The following NLRC4 variants were observed in gnomAD, a reference collection of about 807,000 sequenced individuals.
NLRC4 encodes NLR family CARD domain containing 4.
Under a neutral mutation model 79.9 loss-of-function variants are expected in NLRC4, and 63 were observed. That is an observed-to-expected ratio of 0.79 (90% CI 0.64 to 0.97). The LOEUF (loss-of-function observed/expected upper bound fraction) is 0.97. NLRC4 is among the 50% of genes least tolerant of loss of function. The pLI is 0.00. For missense variants in NLRC4, 1,074 were observed against 1,215.2 expected, an observed-to-expected ratio of 0.88 and a Z score of 1.73; for synonymous variants, 461 against 456.5, an observed-to-expected ratio of 1.01 and a Z score of -0.12.
At position 32,250,793 on chromosome 2, in the gene NLRC4, G is replaced by A; in HGVS notation, c.1071C>T (p.His357=). 1 of 1,614,202 alleles carries A rather than the reference G, an allele frequency of 6.2e-7. No homozygotes were observed. The highest frequency in any genetic ancestry group is 8.5e-7 in the Non-Finnish European group (1 of 1,180,012). ...IQMGESEFHS[H]TQTTLFHTFY... ...AGGTATGGAACAGCGTTGTTTGTGT[G>A]TGAGAGTGGAACTCACTTTCACCCA... Residue 357 remains histidine, a synonymous_variant, in exon 4 of 9, where the codon CAC becomes CAT. Coordinates refer to ENST00000402280, the MANE Select transcript of NLRC4 (RefSeq NM_001199138.2). The surrounding 1 kb of genome is among the most constrained non-coding windows in gnomAD (Gnocchi z 4.9).
At chr2:32,252,972 A>G (rs1435820376) in intron 2 of NLRC4, among the ~76,000 whole-genome samples, 1 of 151,818 alleles carries the variant, frequency 6.6e-6, no homozygotes, top group African/African-American at 2.4e-5. Context: ...GAGCTGAGAT[A>G]GCGCCACTGC....
intron 4 of NLRC4, among the ~76,000 whole-genome samples, 181 bp downstream of exon 4, chr2:32,249,426 C>T (rs1687011041): frequency 6.6e-6 from 1 of 152,176 alleles, no homozygotes; most frequent in Admixed American, 6.5e-5. Context: ...CTACCCCAAC[C>T]CCTCCTTCGA....
chr2:32,226,717 G>A (rs1242026749), intron 8 of NLRC4, among the ~76,000 whole-genome samples: 1 of 152,106 alleles, frequency 6.6e-6, no homozygotes, highest in South Asian at 2.1e-4. Context: ...CCCGTCTCTA[G>A]TAAAAATACA....
At chr2:32,261,329 T>TTTTTTTTTTTTTTTTTTTTTTTTTTTTC (rs1230263597) in intron 1 of NLRC4, among the ~76,000 whole-genome samples, 1 of 119,206 alleles carries the variant, frequency 8.4e-6, no homozygotes, top group African/African-American at 3.2e-5. Context: ...TTGTTTTTTT[T>TTTTTTTTTTTTTTTTTTTTTTTTTTTTC]TGAGATGGAG....
intron 1 of NLRC4, among the ~76,000 whole-genome samples, chr2:32,261,180 G>A (rs538291220): frequency 1.5e-3 from 232 of 150,230 alleles, no homozygotes; most frequent in Non-Finnish European, 2.4e-3. Context: ...GCGACAGAGC[G>A]AGACTCCATC....
chr2:32,224,862 T>C, intron 8 of NLRC4, 97 bp from the exon 9 acceptor site: 1 of 710,758 alleles, frequency 1.4e-6, no homozygotes, highest in Non-Finnish European at 2.3e-6. Context: ...TTTTTTTCAC[T>C]CTGAAATGGC....
rs150950016 is a variant in NLRC4 at position 32,250,065 on chromosome 2, T to C, written c.1799A>G (p.Glu600Gly). Residue 600 changes from glutamate to glycine, a missense_variant, in exon 4 of 9, where the codon GAA (glutamate) becomes GGA (glycine). By Grantham distance (98) the Glu-to-Gly change is moderately conservative (BLOSUM62 -2). Transcript: ENST00000402280. The surrounding 1 kb of genome is among the most constrained non-coding windows in gnomAD (Gnocchi z 4.9). ...NIPDYLFDFF[E>G]HLPNCASALD... is the part of the protein sequence containing the mutation. ...GGCACTTGCACAATTGGGCAAATGT[T>C]CAAAGAAGTCAAATAAGTAATCGGG... is the stretch of plus-strand genomic sequence containing the variant. 1.1e-4 allele frequency: 180 copies of C among 1,614,092 alleles called. No individual in the cohort carries two copies. Among genetic ancestry groups the C allele is most frequent in the Non-Finnish European group, 1.4e-4 (162 of 1,180,034 alleles).
chr2:32,233,349 A>ATATATATATTT (rs1418146489), intron 8 of NLRC4, among the ~76,000 whole-genome samples: 16 of 41,090 alleles, frequency 3.9e-4, no homozygotes, highest in Non-Finnish European at 4.8e-4. Context: ...ATATATATAT[A>ATATATATATTT]TTTTTTTTTT....
chr2:32,245,357 T>G, intron 4 of NLRC4, among the ~76,000 whole-genome samples: 1 of 143,190 alleles, frequency 7.0e-6, no homozygotes. Context: ...GTCATTATGG[T>G]AAGTGAAATA....
rs1395174732 is a variant in NLRC4 at position 32,260,750 on chromosome 2, G to T, written c.-118-3857C>A. Among the ~76,000 whole-genome samples the T allele has an allele frequency of 3.0e-4, 45 of 152,266 alleles. 2 individuals are homozygous for T. The highest frequency in any genetic ancestry group is 1.5e-5 in the Non-Finnish European group (1 of 68,020). ...GTACAGTAGGAACAGACAACATAGTGCCGGCCAGATAGAGACCCCATCTGC... is the reference window on the plus strand; with the variant it reads ...GTACAGTAGGAACAGACAACATAGTTCCGGCCAGATAGAGACCCCATCTGC... On this transcript the variant is annotated intron_variant, in intron 1 of 8. Coordinates refer to ENST00000402280, the MANE Select transcript of NLRC4 (RefSeq NM_001199138.2).
Position 32,235,448 on chromosome 2 carries a change from A to G in NLRC4, c.2735T>C (p.Leu912Pro). 1 of 1,614,160 alleles carries G rather than the reference A, an allele frequency of 6.2e-7. No individual in the cohort carries two copies. The highest frequency in any genetic ancestry group is 8.5e-7 in the Non-Finnish European group (1 of 1,179,978). ...TGTGAGTCTCCAGTTTTTCAACCCA[A>G]GCTTGACGAGTTGTGGGACCTCCTC... The part of the protein sequence containing the change: ...HLEEVPQLVK[L>P]GLKNWRLTDT... Residue 912 changes from leucine (L) to proline (P), a missense_variant, in exon 8 of 9, where the codon CTT (leucine) becomes CCT (proline). Transcript: ENST00000402280.
intron 1 of NLRC4, among the ~76,000 whole-genome samples, chr2:32,264,088 T>C (rs1687412167): frequency 6.6e-6 from 1 of 152,174 alleles, no homozygotes; most frequent in African/African-American, 2.4e-5. Context: ...GTAGTCCACC[T>C]CGTTCCTTTC....
chr2:32,228,266 C>A (rs941949250), intron 8 of NLRC4, among the ~76,000 whole-genome samples: 1 of 152,124 alleles, frequency 6.6e-6, no homozygotes, highest in Non-Finnish European at 1.5e-5. Flanking sequence ...AGAACACTTG[C>A]AATTGGGCTT....
At chr2:32,229,519 G>A (rs1264010233) in intron 8 of NLRC4, among the ~76,000 whole-genome samples, 1 of 152,162 alleles carries the variant, frequency 6.6e-6, no homozygotes, top group Non-Finnish European at 1.5e-5. Context: ...AGCTAGCAAT[G>A]ATTTTTATGT....
intron 8 of NLRC4, among the ~76,000 whole-genome samples, chr2:32,229,597 G>A (rs1284139623): frequency 1.3e-5 from 2 of 152,200 alleles, no homozygotes; most frequent in African/African-American, 4.8e-5. Context: ...GGCAAAGCTT[G>A]GAGATCAAAT....
intron 4 of NLRC4, among the ~76,000 whole-genome samples, chr2:32,245,251 C>G (rs569475445): frequency 7.4e-6 from 1 of 134,324 alleles, no homozygotes; most frequent in East Asian, 2.3e-4. Context: ...GCAGAGGTTG[C>G]AGTAAGCCGA....
At chr2:32,256,693 A>ATT (rs1687213986) in intron 2 of NLRC4, 82 bp downstream of exon 2, 1 of 765,676 alleles carries the variant, frequency 1.3e-6, no homozygotes, top group South Asian at 1.4e-5. Context: ...AGAGGAAGCC[A>ATT]TGAACTGATT....
chr2:32,256,254 C>CAA (rs1385999150), intron 2 of NLRC4, among the ~76,000 whole-genome samples: 1 of 152,004 alleles, frequency 6.6e-6, no homozygotes, highest in Non-Finnish European at 1.5e-5. Context: ...CTGCATTATA[C>CAA]AATATGGTAG....
chr2:32,236,212 C>T (rs765444346), intron 7 of NLRC4, 35 bp downstream of exon 7: 12 of 1,338,302 alleles, frequency 9.0e-6, no homozygotes, highest in Non-Finnish European at 1.2e-5. Flanking sequence ...TATACATATT[C>T]AAGTATCTAA....
Sources: allele counts gnomAD v4.1 joint callset (sites outside exome capture counted in the v4.1 genomes callset), GRCh38; gene constraint gnomAD v4.1.1; non-coding constraint Gnocchi (gnomAD v3.1); transcripts MANE v1.5; gene names NCBI Gene and HGNC (gene_info 2026-07-23, HGNC 2026-07-21).